TSPEAR: variants seen among roughly 807,000 people sequenced by gnomAD.
TSPEAR encodes thrombospondin-type laminin G domain and EAR repeat-containing protein.
In TSPEAR, 69 loss-of-function variants were observed where a neutral mutation model predicts 71.6. The ratio of observed to expected loss-of-function variants is 0.96; its 90% CI spans 0.79 to 1.18. The LOEUF is 1.18. Ranked by LOEUF, TSPEAR falls within the 50% of genes most tolerant of loss-of-function variation. TSPEAR has a pLI of 0.00. For missense variants in TSPEAR, 971 were observed against 894.9 expected (o/e 1.09, Z -1.09); for synonymous variants, 402 against 387.2 (o/e 1.04, Z -0.45).
At chr21:44,616,603 A>G (rs774162819) in intron 1 of TSPEAR, among the ~76,000 whole-genome samples, 1 of 152,136 alleles carries the variant, frequency 6.6e-6, no homozygotes, top group Non-Finnish European at 1.5e-5. Context: ...CCCTCTTCTC[A>G]GATCAGTGGG....
chr21:44,577,230 A>G (rs1445324614), intron 1 of TSPEAR, among the ~76,000 whole-genome samples: 1 of 152,240 alleles, frequency 6.6e-6, no homozygotes, highest in Non-Finnish European at 1.5e-5. Flanking sequence ...AAGCTAAAGA[A>G]GCATATGTTG....
intron 1 of TSPEAR, among the ~76,000 whole-genome samples, chr21:44,639,255 C>T (rs1024009717): frequency 1.3e-5 from 2 of 152,320 alleles, no homozygotes; most frequent in Middle Eastern, 3.4e-3. Context: ...TGCCACCCTC[C>T]GTCCCAGATG....
rs587596788 is a variant in TSPEAR at position 44,499,510 on chromosome 21, C to T, written c.*273G>A. Reference sequence around the variant, plus strand: ...AACGGTTCCTTGACAGCGAAATCCCCGCTTGACACTCAGATGGGCGAGCAC... The same window carrying T: ...AACGGTTCCTTGACAGCGAAATCCCTGCTTGACACTCAGATGGGCGAGCAC... On this transcript the variant is annotated 3_prime_UTR_variant, in exon 12 of 12. Coordinates refer to ENST00000323084, the MANE Select transcript of TSPEAR (RefSeq NM_144991.3). 37 of 441,630 alleles carry T rather than the reference C, an allele frequency of 8.4e-5. 1 individual carries two copies. The South Asian group carries it at 1.3e-3, about 15-fold the overall frequency. 27.4% of individuals were successfully genotyped at this position (441,630 alleles called of 1,614,324 possible).
intron 1 of TSPEAR, among the ~76,000 whole-genome samples, chr21:44,622,744 A>T (rs1345402478): frequency 2.0e-5 from 3 of 152,238 alleles, no homozygotes; most frequent in Admixed American, 1.3e-4. Context: ...AACTAATTTC[A>T]TCTACAAAGA....
chr21:44,549,578 A>C (rs750401938), intron 2 of TSPEAR, among the ~76,000 whole-genome samples: 2 of 152,360 alleles, frequency 1.3e-5, no homozygotes, highest in Non-Finnish European at 2.9e-5. Context: ...GTAAAGACTC[A>C]GGGCCTCTTG....
intron 1 of TSPEAR, chr21:44,677,733 G>T: frequency 1.4e-6 from 2 of 1,398,200 alleles, no homozygotes; most frequent in Non-Finnish European, 2.0e-6. Flanking sequence ...AAATTCTTTT[G>T]TTACTTCTGA....
intron 2 of TSPEAR, among the ~76,000 whole-genome samples, chr21:44,556,595 G>A (rs2053533881): frequency 6.6e-6 from 1 of 152,176 alleles, no homozygotes. Context: ...CAGGAGGAGA[G>A]GCAGGAGAAT....
chr21:44,635,282 G>A (rs183731204), intron 1 of TSPEAR, among the ~76,000 whole-genome samples: 2 of 144,562 alleles, frequency 1.4e-5, no homozygotes, highest in Admixed American at 1.5e-4. Flanking sequence ...GGAGGTGGAG[G>A]TTGCAGTGAG....
chr21:44,645,125 G>A (rs587634521), intron 1 of TSPEAR, among the ~76,000 whole-genome samples: 1 of 152,280 alleles, frequency 6.6e-6, no homozygotes, highest in East Asian at 1.9e-4. Context: ...AGACAAGCAA[G>A]GAATCTTAAA....
intron 1 of TSPEAR, among the ~76,000 whole-genome samples, chr21:44,619,367 C>T (rs76605393): frequency 0.019 from 2,858 of 152,338 alleles, 88 homozygotes; most frequent in African/African-American, 0.064. Context: ...CAGCAAACTG[C>T]GCAGAGGGAG....
chr21:44,614,558 C>T (rs1714328319), intron 1 of TSPEAR, among the ~76,000 whole-genome samples: 3 of 152,236 alleles, frequency 2.0e-5, no homozygotes, highest in South Asian at 2.1e-4. Flanking sequence ...CTGGCAGGGC[C>T]GTGTGGCCGG....
intron 1 of TSPEAR, among the ~76,000 whole-genome samples, chr21:44,639,183 G>A (rs587749796): frequency 2.6e-5 from 4 of 152,134 alleles, no homozygotes; most frequent in South Asian, 2.1e-4. Context: ...CTCTGACCCC[G>A]AGGACCCTGT....
intron 1 of TSPEAR, chr21:44,580,527 G>C (rs144676844): frequency 1.4e-4 from 219 of 1,613,600 alleles, no homozygotes; most frequent in Non-Finnish European, 1.7e-4. Flanking sequence ...TCGTCCACTC[G>C]CCAGGAGTCA....
At chr21:44,576,210 G>A (rs1978433342) in intron 1 of TSPEAR, among the ~76,000 whole-genome samples, 1 of 152,238 alleles carries the variant, frequency 6.6e-6, no homozygotes, top group Non-Finnish European at 1.5e-5. Context: ...GAGTTGTGAG[G>A]ACAGACCCAG....
chr21:44,589,212 C>T (rs1282016551), intron 1 of TSPEAR, among the ~76,000 whole-genome samples: 1 of 152,224 alleles, frequency 6.6e-6, no homozygotes, highest in Non-Finnish European at 1.5e-5. Context: ...TGTGGGCTCT[C>T]ACTAAGCATC....
intron 1 of TSPEAR, among the ~76,000 whole-genome samples, chr21:44,577,478 G>A (rs1250986846): frequency 6.6e-6 from 1 of 152,180 alleles, no homozygotes; most frequent in Non-Finnish European, 1.5e-5. Flanking sequence ...GCATCACATG[G>A]TATGAGGGGA....
At chr21:44,613,072 C>T (rs1981829267) in intron 1 of TSPEAR, 1 of 796,680 alleles carries the variant, frequency 1.3e-6, no homozygotes, top group Non-Finnish European at 1.9e-6. Context: ...CTCTTGCCTT[C>T]CAGCAGGTGC....
At chr21:44,573,637 T>C (rs1978293554) in intron 1 of TSPEAR, 4 of 1,504,578 alleles carry the variant, frequency 2.7e-6, no homozygotes, top group Admixed American at 4.2e-5. Flanking sequence ...CTGAGCCTCC[T>C]GTCTGGACAA....
At chr21:44,539,120 G>C in intron 2 of TSPEAR, 13 of 1,096,266 alleles carry the variant, frequency 1.2e-5, no homozygotes, top group Non-Finnish European at 1.6e-5. Flanking sequence ...TGGAAGGCAA[G>C]AGCTGGGGAG....
Sources: gnomAD v4.1 joint callset for allele counts (sites outside exome capture counted in the v4.1 genomes callset) on GRCh38, gnomAD v4.1.1 for gene constraint, MANE v1.5 for transcripts, NCBI Gene and HGNC (gene_info 2026-07-23, HGNC 2026-07-21) for gene names.